Variants in SERPINB8 observed in about 807,000 individuals in gnomAD.
The protein encoded by SERPINB8 is serpin B8.
SERPINB8 carries 25 observed loss-of-function variants against 35.3 expected under a neutral mutation model. That is an observed-to-expected ratio of 0.71 (90% CI 0.52 to 0.99). The LOEUF is 0.99. SERPINB8 is among the 50% of genes least tolerant of loss of function. The pLI is 0.00. For synonymous variants in SERPINB8, 186 were observed against 160.8 expected (o/e 1.16, Z -1.19); for missense variants, 484 against 446.5 (o/e 1.08, Z -0.76).
chr18:63,989,465 T>A (rs2050808662), downstream of SERPINB8: 1 of 152,254 alleles, frequency 6.6e-6, no homozygotes, highest in African/African-American at 2.4e-5. Context: ...TAAGTTTAAC[T>A]TTTTAAGGAT....
chr18:64,000,084 T>C (rs1050899247), intron 1 of SERPINB8, among the ~76,000 whole-genome samples: 3 of 152,224 alleles, frequency 2.0e-5, no homozygotes, highest in African/African-American at 7.2e-5. Flanking sequence ...GGAGAGTCTG[T>C]GCCACTGTCA....
rs2050801674 is a variant in SERPINB8 at position 63,988,969 on chromosome 18, T to C, written c.*1691T>C. The stretch of plus-strand genomic sequence containing the variant: ...CAAACCATCGCTATATTCAAGATAA[T>C]GAACCTATCTATCATACTCCCAAAT... On this transcript the variant is annotated 3_prime_UTR_variant, in exon 7 of 7. Transcript: ENST00000397985. The C allele has an allele frequency of 6.6e-6, 1 of 152,242 alleles. No individual in the cohort carries two copies. Among genetic ancestry groups the C allele is most frequent in the East Asian group, 1.9e-4 (1 of 5,200 alleles). 9.4% of individuals were successfully genotyped at this position (152,242 alleles called of 1,614,324 possible). A position where few individuals can be genotyped will look rare whatever the true frequency, so the allele number is the denominator to read the frequency against.
chr18:63,991,554 T>C (rs1356835638), downstream of SERPINB8, among the ~76,000 whole-genome samples: 11 of 152,198 alleles, frequency 7.2e-5, no homozygotes, highest in Non-Finnish European at 1.2e-4. Context: ...TTTTTTTTTG[T>C]ATCTCAGCCT....
intron 7 of SERPINB8, among the ~76,000 whole-genome samples, chr18:64,016,419 G>T (rs767723458): frequency 6.6e-6 from 1 of 152,036 alleles, no homozygotes; most frequent in African/African-American, 2.4e-5. Flanking sequence ...TTGCAGTAAG[G>T]TTTTTCATTT....
At chr18:64,009,416 G>T (rs932534757), downstream of SERPINB8, among the ~76,000 whole-genome samples, 1 of 152,194 alleles carries the variant, frequency 6.6e-6, no homozygotes, top group East Asian at 1.9e-4. Flanking sequence ...AAGTTGAGAA[G>T]ATTTGCTTTA....
In SERPINB8 at chr18:63,987,413, T is replaced by C. The variant is rs1472959686; in HGVS notation, c.*135T>C. The stretch of plus-strand genomic sequence containing the variant: ...TGCACTGGATAGTGTGTGAAAGTCT[T>C]TGCTGAAAGTTCCAGAGCCATTGAG... On this transcript the variant is annotated 3_prime_UTR_variant, in exon 7 of 7. Coordinates refer to ENST00000397985, the MANE Select transcript of SERPINB8 (RefSeq NM_002640.4). The C allele has an allele frequency of 5.3e-6, 5 of 947,132 alleles. No individual in the cohort carries two copies. In the East Asian group the frequency reaches 9.8e-5, roughly 19 times the overall value. The allele number at this position is 947,132 out of a possible 1,614,324, so 58.7% of individuals were successfully genotyped here.
rs1445132683 is a variant in SERPINB8, at chr18:63,999,466, CCTGGGTCTGTTA to C, written c.71-5347_71-5336del. On this transcript the variant is annotated intron_variant, in intron 1 of 1. Transcript: ENST00000493661. Reference sequence around the variant, plus strand: ...ACATGGGAGCAACTGGGAAGAGGAGCCTGGGTCTGTTACTGGGCTATTTTGGCCTTGATGGTG... The same window carrying C: ...ACATGGGAGCAACTGGGAAGAGGAGCCTGGGCTATTTTGGCCTTGATGGTG... Among the ~76,000 whole-genome samples, 4 of 152,092 alleles carry C rather than the reference CCTGGGTCTGTTA, an allele frequency of 2.6e-5. No homozygotes were observed. In the East Asian group the frequency reaches 7.7e-4, roughly 29 times the overall value.
At chr18:63,994,922 G>A (rs979130903) in intron 1 of SERPINB8, among the ~76,000 whole-genome samples, 3 of 152,212 alleles carry the variant, frequency 2.0e-5, no homozygotes, top group Admixed American at 2.0e-4. Flanking sequence ...CATGGAAAGA[G>A]TGGCTGCTTC....
intron 4 of SERPINB8, among the ~76,000 whole-genome samples, chr18:63,982,764 C>T (rs1338800284): frequency 6.6e-6 from 1 of 152,148 alleles, no homozygotes; most frequent in African/African-American, 2.4e-5. Flanking sequence ...CCTGTCACTG[C>T]TCTTCCAGGG....
At chr18:63,973,345 T>C (rs2050524194) in intron 1 of SERPINB8, among the ~76,000 whole-genome samples, 1 of 152,224 alleles carries the variant, frequency 6.6e-6, no homozygotes, top group African/African-American at 2.4e-5. Flanking sequence ...GTTGTTTGTT[T>C]TTTTCTTGTA....
chr18:63,993,367 G>T (rs1400591841), downstream of SERPINB8, among the ~76,000 whole-genome samples: 1 of 152,154 alleles, frequency 6.6e-6, no homozygotes, highest in African/African-American at 2.4e-5. Flanking sequence ...GATTTCCAAA[G>T]ATTTTATGTT....
Position 63,981,807 on chromosome 18 carries a change from TATAA to T in SERPINB8, c.396_399del (p.Ile132MetfsTer24). On this transcript the variant is annotated frameshift_variant, in exon 4 of 7. Coordinates refer to ENST00000397985, the MANE Select transcript of SERPINB8 (RefSeq NM_002640.4). LOFTEE classifies it high-confidence loss of function. Reference sequence around the variant, plus strand: ...AAGACACTGAAGAGTGCAGGAAGCATATAAATGACTGGGTGGCAGAGAAGACTGA... The same window carrying T: ...AAGACACTGAAGAGTGCAGGAAGCATATGACTGGGTGGCAGAGAAGACTGA... 5 of 1,613,140 alleles carry T rather than the reference TATAA, an allele frequency of 3.1e-6. No individual in the cohort carries two copies. Among genetic ancestry groups the T allele is most frequent in the Non-Finnish European group, 4.2e-6 (5 of 1,179,300 alleles).
rs1229902418 is a variant in SERPINB8 at position 63,970,149 on chromosome 18, G to GCGGCGT, written c.-31_-30insGGCGTC. On this transcript the variant is annotated 5_prime_UTR_variant, in exon 1 of 7. Coordinates refer to ENST00000397985, the MANE Select transcript of SERPINB8 (RefSeq NM_002640.4). Reference sequence around the variant, plus strand: ...AGCAGCAGCGGCGGCGGCGGCGGCGGCAGCAGCAGCAGCAGCAGGAGGTGG... The same window carrying GCGGCGT: ...AGCAGCAGCGGCGGCGGCGGCGGCGGCGGCGTCAGCAGCAGCAGCAGCAGGAGGTGG... 3.6e-5 allele frequency: 12 copies of GCGGCGT among 334,034 alleles called. No homozygotes were observed. In the Admixed American group the frequency reaches 3.8e-4, roughly 10 times the overall value. The allele number at this position is 334,034 out of a possible 1,614,324, so 20.7% of individuals were successfully genotyped here.
chr18:64,015,873 A>G (rs1002410700), intron 7 of SERPINB8, among the ~76,000 whole-genome samples: 4 of 152,206 alleles, frequency 2.6e-5, no homozygotes, highest in Admixed American at 2.0e-4. Context: ...AGGCGAGCCT[A>G]CTTAAGTGTT....
At position 63,975,430 on chromosome 18, in the gene SERPINB8, G is replaced by T. The variant is rs144875161; in HGVS notation, c.-10-2869G>T. 1.2e-4 allele frequency among the ~76,000 whole-genome samples: 18 copies of T among 152,276 alleles called. No individual in the cohort carries two copies. The East Asian group carries it at 3.3e-3, about 28-fold the overall frequency. Reference sequence around the variant, plus strand: ...CCAACATCTGCAGACCCTAGTATAAGCTCTGGAGAGGTCTTATGATGTGAG... The same window carrying T: ...CCAACATCTGCAGACCCTAGTATAATCTCTGGAGAGGTCTTATGATGTGAG... On this transcript the variant is annotated intron_variant, in intron 1 of 6. Transcript: ENST00000397985.
chr18:63,996,583 G>A (rs1018330058), intron 1 of SERPINB8, among the ~76,000 whole-genome samples: 18 of 152,242 alleles, frequency 1.2e-4, no homozygotes, highest in Admixed American at 3.9e-4. Context: ...TTATGCTCTG[G>A]GGAGAGTTGC....
At chr18:64,012,398 GC>G (rs759458528) in intron 7 of SERPINB8, among the ~76,000 whole-genome samples, 1 of 151,898 alleles carries the variant, frequency 6.6e-6, no homozygotes, top group Non-Finnish European at 1.5e-5. Context: ...CAAATGCTGG[GC>G]CCTCTGAATT....
At chr18:63,973,433 C>T (rs1225801085) in intron 1 of SERPINB8, among the ~76,000 whole-genome samples, 1 of 152,142 alleles carries the variant, frequency 6.6e-6, no homozygotes, top group Non-Finnish European at 1.5e-5. Flanking sequence ...TTCTCCCATT[C>T]TGTAGGTTGC....
intron 1 of SERPINB8, 45 bp downstream of exon 1, chr18:63,970,215 C>G (rs999070417): frequency 1.6e-5 from 4 of 245,032 alleles, no homozygotes; most frequent in Non-Finnish European, 3.2e-5. Flanking sequence ...CACGGAGGTG[C>G]CCAGGTTCCC....
Sources: gnomAD v4.1 joint callset for allele counts (sites outside exome capture counted in the v4.1 genomes callset) on GRCh38, gnomAD v4.1.1 for gene constraint, MANE v1.5 for transcripts, NCBI Gene and HGNC (gene_info 2026-07-23, HGNC 2026-07-21) for gene names.